RANBP2: variants seen among roughly 807,000 people sequenced by gnomAD.
RANBP2 encodes RAN binding protein 2, also known as E3 SUMO-protein ligase RanBP2.
Under a neutral mutation model 303.6 loss-of-function variants are expected in RANBP2, and 57 were observed. The observed-to-expected ratio is 0.19, with a 90% CI of 0.15 to 0.23. The LOEUF (loss-of-function observed/expected upper bound fraction) is 0.23. Among genes scored for constraint, RANBP2 ranks in the 10% least tolerant of loss-of-function variants. The pLI is 1.00. For missense variants in RANBP2, 3,138 were observed against 3,780.8 expected (o/e 0.83, Z 4.46); for synonymous variants, 1,167 against 1,301.5 (o/e 0.90, Z 2.23).
the RANBP2 span, chr2:108,929,414 G>T: frequency 6.2e-7 from 1 of 1,609,250 alleles, no homozygotes; most frequent in Non-Finnish European, 8.5e-7. Flanking sequence ...ACACAGGTGA[G>T]TGCAGCAGCC....
the RANBP2 span, among the ~76,000 whole-genome samples, chr2:109,580,875 C>A: frequency 4.6e-5 from 7 of 152,186 alleles, 1 homozygote; most frequent in African/African-American, 1.4e-4. Context: ...GACAGCACAG[C>A]GCCTGGCCAT....
the RANBP2 span, among the ~76,000 whole-genome samples, chr2:109,146,030 G>T: frequency 1.1e-4 from 17 of 151,496 alleles, no homozygotes; most frequent in Admixed American, 1.3e-4. Context: ...TATGTGGGCC[G>T]ACGGAGTCCA....
At chr2:108,753,775 G>C in intron 14 of RANBP2, 50 bp from the exon 15 acceptor site, 1 of 1,611,416 alleles carries the variant, frequency 6.2e-7, no homozygotes, top group Non-Finnish European at 8.5e-7. Flanking sequence ...CAAGCTAAAA[G>C]TTTTTTGTTT....
At chr2:109,065,810 C>T in the RANBP2 span, among the ~76,000 whole-genome samples, 1 of 152,202 alleles carries the variant, frequency 6.6e-6, no homozygotes, top group African/African-American at 2.4e-5. Flanking sequence ...CTTGAGCTTC[C>T]TGTCATCTGC....
chr2:109,536,737 C>T, the RANBP2 span, among the ~76,000 whole-genome samples: 1 of 152,202 alleles, frequency 6.6e-6, no homozygotes, highest in African/African-American at 2.4e-5. Flanking sequence ...ACTGGAAGCT[C>T]ATCTTGAATT....
chr2:109,739,649 T>C, the RANBP2 span, among the ~76,000 whole-genome samples: 1 of 152,198 alleles, frequency 6.6e-6, no homozygotes, highest in South Asian at 2.1e-4. Context: ...TTTCCAAATA[T>C]GAGATCATAT....
chr2:109,209,087 C>T, the RANBP2 span, among the ~76,000 whole-genome samples: 1 of 152,198 alleles, frequency 6.6e-6, no homozygotes, highest in African/African-American at 2.4e-5. Flanking sequence ...GTACCTTAAA[C>T]AAAACCCACA....
chr2:108,963,359 G>A, the RANBP2 span, among the ~76,000 whole-genome samples: 2 of 152,162 alleles, frequency 1.3e-5, no homozygotes, highest in Admixed American at 6.5e-5. Context: ...CTGTTTCTAG[G>A]ATGCCTAGAG....
At chr2:109,437,128 C>G in the RANBP2 span, 3 of 1,611,644 alleles carry the variant, frequency 1.9e-6, no homozygotes, top group Admixed American at 3.3e-5. Context: ...CAGCCAAGCC[C>G]GGAGCACCAT....
the RANBP2 span, among the ~76,000 whole-genome samples, chr2:108,794,911 G>C: frequency 6.6e-6 from 1 of 152,148 alleles, no homozygotes; most frequent in Non-Finnish European, 1.5e-5. Flanking sequence ...AGAGAAAATA[G>C]AGACAGTGGC....
chr2:109,624,340 G>T, the RANBP2 span, among the ~76,000 whole-genome samples: 1 of 152,156 alleles, frequency 6.6e-6, no homozygotes, highest in Non-Finnish European at 1.5e-5. Context: ...TATATTTTAA[G>T]AAATTCACCT....
At chr2:109,378,353 G>T in the RANBP2 span, among the ~76,000 whole-genome samples, 1 of 152,210 alleles carries the variant, frequency 6.6e-6, no homozygotes, top group South Asian at 2.1e-4. Context: ...GTGGGAGAGG[G>T]ATGGAAGGAT....
chr2:109,476,566 A>G, the RANBP2 span, among the ~76,000 whole-genome samples: 1 of 152,160 alleles, frequency 6.6e-6, no homozygotes, highest in Non-Finnish European at 1.5e-5. Flanking sequence ...CTTTCCTCTA[A>G]AGCTCTCGGG....
chr2:108,764,565 G>T lies in RANBP2; in HGVS notation c.4026G>T (p.Leu1342=), dbSNP rs1676976328. ...KDICKSDAGN[L]NFEFQVAKKE... ...TTTGCAAATCTGATGCTGGAAACCTGAATTTTGAATTTCAGGTTGCAAAGA... is the reference window on the plus strand; with the variant it reads ...TTTGCAAATCTGATGCTGGAAACCTTAATTTTGAATTTCAGGTTGCAAAGA... The change falls in exon 20 of 29, where the codon CTG becomes CTT. Residue 1342 remains leucine, a synonymous_variant. Coordinates refer to ENST00000283195, the MANE Select transcript of RANBP2 (RefSeq NM_006267.5). 2.5e-6 allele frequency: 4 copies of T among 1,613,806 alleles called. No homozygotes were observed. The highest frequency in any genetic ancestry group is 2.7e-5 in the African/African-American group (2 of 74,878).
chr2:109,717,288 A>AC, the RANBP2 span, among the ~76,000 whole-genome samples: 1 of 151,368 alleles, frequency 6.6e-6, no homozygotes, highest in East Asian at 1.9e-4. Context: ...AAAAAAAAAA[A>AC]AAACCCAGTT....
the RANBP2 span, among the ~76,000 whole-genome samples, chr2:109,539,809 G>A: frequency 6.6e-6 from 1 of 152,176 alleles, no homozygotes; most frequent in East Asian, 1.9e-4. Context: ...CATGCTGTAT[G>A]TAGCCTTCTG....
the RANBP2 span, among the ~76,000 whole-genome samples, chr2:109,199,602 T>TAC: frequency 5.9e-3 from 2 of 340 alleles, no homozygotes; most frequent in Admixed American, 0.062. Context: ...TGGAATGGAA[T>TAC]GGAATGGAAT....
chr2:108,805,021 T>A, the RANBP2 span: 1 of 1,437,368 alleles, frequency 7.0e-7, no homozygotes, highest in Non-Finnish European at 9.4e-7. Context: ...AAGACCTGTT[T>A]TAATATATAC....
At chr2:109,043,110 G>T in the RANBP2 span, among the ~76,000 whole-genome samples, 1 of 152,134 alleles carries the variant, frequency 6.6e-6, no homozygotes, top group African/African-American at 2.4e-5. Context: ...AAGTAAATAA[G>T]GTGAAGTTTT....
Sources: allele counts gnomAD v4.1 joint callset (sites outside exome capture counted in the v4.1 genomes callset), GRCh38; gene constraint gnomAD v4.1.1; transcripts MANE v1.5; gene names NCBI Gene and HGNC (gene_info 2026-07-23, HGNC 2026-07-21).